Variants in TRPV1 observed in about 807,000 individuals in gnomAD.
TRPV1 encodes the protein transient receptor potential cation channel subfamily V member 1.
In TRPV1, 82 loss-of-function variants were observed where a neutral mutation model predicts 82.3. That is an observed-to-expected ratio of 1.00 (90% CI 0.83 to 1.20). The LOEUF is 1.20. TRPV1 is among the 50% of genes most tolerant of loss of function. The probability of loss-of-function intolerance (pLI) is 0.00; values close to 1 mark genes in which losing one functional copy is unlikely to be tolerated. For missense variants in TRPV1, 1,067 were observed against 1,096.8 expected, an observed-to-expected ratio of 0.97 and a Z score of 0.38; for synonymous variants, 515 against 467.7, an observed-to-expected ratio of 1.10 and a Z score of -1.30.
chr17:3,608,540 T>C lies in TRPV1; in HGVS notation c.-147A>G, dbSNP rs2075315032. ...ACACAGGGACGGTTTGCATCCCAGA[T>C]GGCACGGCAGAGACTCTCCATCACA... On this transcript the variant is annotated 5_prime_UTR_variant, in exon 2 of 17. Transcript: ENST00000572705. 6.6e-6 allele frequency: 1 copy of C among 152,114 alleles called. No homozygotes were observed. The highest frequency in any genetic ancestry group is 2.4e-5 in the African/African-American group (1 of 41,408). 9.4% of individuals were successfully genotyped at this position (152,114 alleles called of 1,614,324 possible). A position where few individuals can be genotyped will look rare whatever the true frequency, so the allele number is the denominator to read the frequency against.
intron 9 of TRPV1, among the ~76,000 whole-genome samples, chr17:3,583,775 C>T (rs2075050119): frequency 6.6e-6 from 1 of 152,220 alleles, no homozygotes; most frequent in Non-Finnish European, 1.5e-5. Flanking sequence ...CCACGCCATA[C>T]ACATCCCGCT....
chr17:3,568,612 C>A (rs1490451191), intron 16 of TRPV1, among the ~76,000 whole-genome samples: 1 of 152,162 alleles, frequency 6.6e-6, no homozygotes, highest in Non-Finnish European at 1.5e-5. Context: ...ACTGGGCTAG[C>A]CATCGTGCTG....
At chr17:3,576,428 G>A (rs974780146) in intron 13 of TRPV1, among the ~76,000 whole-genome samples, 5 of 151,740 alleles carry the variant, frequency 3.3e-5, no homozygotes, top group African/African-American at 9.7e-5. Flanking sequence ...CGAGGCAGGC[G>A]GATCACGAGG....
chr17:3,607,438 C>G (rs1279748794), intron 2 of TRPV1, among the ~76,000 whole-genome samples: 1 of 152,122 alleles, frequency 6.6e-6, no homozygotes, highest in Non-Finnish European at 1.5e-5. Flanking sequence ...GTATTGGATC[C>G]TGCATATGCC....
intron 6 of TRPV1, 62 bp from the exon 7 acceptor site, chr17:3,590,167 C>T (rs1452966984): frequency 1.1e-5 from 17 of 1,585,432 alleles, no homozygotes; most frequent in South Asian, 5.8e-5. Flanking sequence ...CCTGAACCAC[C>T]GGCCTCCAAA....
At chr17:3,596,363 G>A (rs1446473575) in intron 2 of TRPV1, among the ~76,000 whole-genome samples, 1 of 152,196 alleles carries the variant, frequency 6.6e-6, no homozygotes, top group East Asian at 1.9e-4. Flanking sequence ...GGGACTTTCT[G>A]GAAGCTGGGA....
At chr17:3,606,907 C>G (rs1395743463) in intron 2 of TRPV1, among the ~76,000 whole-genome samples, 1 of 152,112 alleles carries the variant, frequency 6.6e-6, no homozygotes, top group Non-Finnish European at 1.5e-5. Context: ...GCTGGGCAGG[C>G]GAGACAGGCT....
chr17:3,589,770 C>T (rs1471170268), intron 7 of TRPV1, 37 bp downstream of exon 7: 1 of 1,581,194 alleles, frequency 6.3e-7, no homozygotes, highest in Middle Eastern at 1.7e-4. Flanking sequence ...GCCATCAGCC[C>T]CGCACCGCAC....
chr17:3,569,945 CAGGGAGGAGGGGCCAAGG>C (rs1468512039), intron 16 of TRPV1, among the ~76,000 whole-genome samples: 59 of 137,300 alleles, frequency 4.3e-4, no homozygotes, highest in African/African-American at 1.4e-3. Flanking sequence ...GCCAAGGGGT[CAGGGAGGAGGGGCCAAGG>C]GGTCAGGGAG....
chr17:3,595,406 CA>C (rs1416778345), intron 2 of TRPV1, among the ~76,000 whole-genome samples: 1 of 152,092 alleles, frequency 6.6e-6, no homozygotes, highest in Non-Finnish European at 1.5e-5. Context: ...TCTTTCTCAG[CA>C]GTTCAACTCA....
At position 3,566,830 on chromosome 17, in the gene TRPV1, A is replaced by T; in HGVS notation, c.2505T>A (p.Ala835=). 6.2e-7 allele frequency: 1 copy of T among 1,613,856 alleles called. No homozygotes were observed. The highest frequency in any genetic ancestry group is 8.5e-7 in the Non-Finnish European group (1 of 1,179,826). Residue 835 remains alanine, a synonymous_variant, in exon 17 of 17, where the codon GCT becomes GCA. Coordinates refer to ENST00000572705, the MANE Select transcript of TRPV1 (RefSeq NM_080704.4). The part of the protein sequence containing the change: ...EDAEVFKSPA[A]SGEK ...CGTGACGTCCTCACTTCTCCCCGGAAGCGGCAGGACTCTTGAAGACCTCAG... is the reference window on the plus strand; with the variant it reads ...CGTGACGTCCTCACTTCTCCCCGGATGCGGCAGGACTCTTGAAGACCTCAG...
intron 2 of TRPV1, among the ~76,000 whole-genome samples, chr17:3,606,533 A>G (rs527265068): frequency 6.6e-6 from 1 of 152,244 alleles, no homozygotes; most frequent in South Asian, 2.1e-4. Flanking sequence ...GCATCGGGAT[A>G]CTGACGGCCA....
chr17:3,607,788 C>T (rs529616778), intron 2 of TRPV1, among the ~76,000 whole-genome samples: 21 of 152,118 alleles, frequency 1.4e-4, no homozygotes, highest in African/African-American at 1.7e-4. Flanking sequence ...CCACCCGCCT[C>T]GGCCTCCCAA....
chr17:3,599,200 T>C (rs1007333217), intron 2 of TRPV1, among the ~76,000 whole-genome samples: 7 of 152,036 alleles, frequency 4.6e-5, no homozygotes, highest in African/African-American at 1.7e-4. Context: ...GATCACACCA[T>C]TGCACTCCAG....
intron 10 of TRPV1, 85 bp from the exon 11 acceptor site, chr17:3,580,612 C>G: frequency 7.1e-7 from 1 of 1,403,620 alleles, no homozygotes; most frequent in East Asian, 2.3e-5. Flanking sequence ...TAAATGGCAC[C>G]ATGATGGGGT....
In TRPV1 at chr17:3,589,976, A is replaced by G. The variant is rs758602766; in HGVS notation, c.875T>C (p.Leu292Pro). 3 of 1,561,198 alleles carry G rather than the reference A, an allele frequency of 1.9e-6. No homozygotes were observed. The highest frequency in any genetic ancestry group is 2.7e-5 in the African/African-American group (2 of 73,474). ...DSVGNTVLHA[L>P]VEVADNTADN... is the part of the protein sequence containing the mutation. ...GGCCGTGTTGTCGGCCACCTCCACCAGGGCGTGCAGCACCGTGTTGCCCAC... is the reference window on the plus strand; with the variant it reads ...GGCCGTGTTGTCGGCCACCTCCACCGGGGCGTGCAGCACCGTGTTGCCCAC... Residue 292 changes from leucine (L) to proline (P), a missense_variant, in exon 7 of 17, where the codon CTG becomes CCG. Physicochemically the swap from Leu to Pro is moderately conservative, Grantham distance 98 (BLOSUM62 -3). Transcript: ENST00000572705.
chr17:3,577,159 C>T lies in TRPV1; in HGVS notation c.1747G>A (p.Val583Ile). Residue 583 changes from valine (V) to isoleucine (I), a missense_variant, in exon 13 of 17, where the codon GTC becomes ATC. By Grantham distance (29) the Val-to-Ile change is conservative. Transcript: ENST00000572705. ...AACCCGAACAAGAAGACGATGTAGA[C>T]AAACATGAAACGGCACAGGTCTCTC... is the stretch of plus-strand genomic sequence containing the variant. ...ILRDLCRFMF[V>I]YIVFLFGFST... The T allele has an allele frequency of 6.3e-7, 1 of 1,588,382 alleles. No homozygotes were observed. Among genetic ancestry groups the T allele is most frequent in the East Asian group, 2.3e-5 (1 of 43,594 alleles).
chr17:3,581,943 C>G (rs1210695104), intron 10 of TRPV1, among the ~76,000 whole-genome samples: 5 of 146,764 alleles, frequency 3.4e-5, no homozygotes, highest in Non-Finnish European at 7.5e-5. Flanking sequence ...GTAATCCCAG[C>G]ACTTTGGGAG....
chr17:3,600,395 C>T (rs570137618), intron 2 of TRPV1, among the ~76,000 whole-genome samples: 1 of 152,272 alleles, frequency 6.6e-6, no homozygotes, highest in South Asian at 2.1e-4. Flanking sequence ...CAAGACCAGC[C>T]TAGCCAACAT....
Sources: gnomAD v4.1 joint callset for allele counts (sites outside exome capture counted in the v4.1 genomes callset) on GRCh38, gnomAD v4.1.1 for gene constraint, MANE v1.5 for transcripts, NCBI Gene and HGNC (gene_info 2026-07-23, HGNC 2026-07-21) for gene names.